The following MITD1 variants were observed in gnomAD, a reference collection of about 807,000 sequenced individuals.
MITD1 encodes MIT domain-containing protein 1.
Under a neutral mutation model 34.9 loss-of-function variants are expected in MITD1, and 24 were observed. That is an observed-to-expected ratio of 0.69 (90% CI 0.50 to 0.97). MITD1 has a LOEUF of 0.97. Ranked by LOEUF, MITD1 falls within the 50% of genes least tolerant of loss-of-function variation. MITD1 has a pLI of 0.00. For missense variants in MITD1, 266 were observed against 294.6 expected (o/e 0.90, Z 0.71); for synonymous variants, 102 against 101.4 (o/e 1.01, Z -0.04).
Position 99,171,337 on chromosome 2 carries a change from A to T in MITD1, c.477+6T>A. 1 of 1,601,384 alleles carries T rather than the reference A, an allele frequency of 6.2e-7. No individual in the cohort carries two copies. Among genetic ancestry groups the T allele is most frequent in the Non-Finnish European group, 8.5e-7 (1 of 1,170,464 alleles). On this transcript the variant is annotated splice_donor_region_variant and intron_variant, in intron 4 of 6. Coordinates refer to ENST00000289359, the MANE Select transcript of MITD1 (RefSeq NM_138798.3). ...TAAGAAAGAGTAAGTGCTTTCAGGT[A>T]CCTACTTCATCCAGAGAGGTGAGAA... is the stretch of plus-strand genomic sequence containing the variant.
intron 1 of MITD1, among the ~76,000 whole-genome samples, chr2:99,174,614 G>A (rs578182814): frequency 2.5e-4 from 38 of 151,998 alleles, no homozygotes; most frequent in South Asian, 1.5e-3. Flanking sequence ...GTTTTGAGAC[G>A]GAATCTCGCT....
intron 1 of MITD1, among the ~76,000 whole-genome samples, chr2:99,175,973 C>T (rs2093884608): frequency 1.3e-5 from 2 of 152,178 alleles, no homozygotes; most frequent in Non-Finnish European, 2.9e-5. Flanking sequence ...CACAGTCTGG[C>T]TCTGTCGCCC....
chr2:99,174,058 TTTTCTA>T, intron 1 of MITD1, 42 bp from the exon 2 acceptor site: 1 of 1,042,126 alleles, frequency 9.6e-7, no homozygotes, highest in Non-Finnish European at 1.4e-6. Flanking sequence ...TCAAAATAGT[TTTTCTA>T]TTTAATTTGG....
downstream of MITD1, among the ~76,000 whole-genome samples, chr2:99,166,312 AGCCAAC>A (rs2093826397): frequency 1.3e-5 from 2 of 152,104 alleles, no homozygotes; most frequent in Non-Finnish European, 2.9e-5. Flanking sequence ...AGAAGGGAGT[AGCCAAC>A]TGGGTCAAAT....
At chr2:99,180,036 T>A (rs1367852264) in intron 1 of MITD1, among the ~76,000 whole-genome samples, 2 of 152,134 alleles carry the variant, frequency 1.3e-5, no homozygotes, top group Non-Finnish European at 2.9e-5. Flanking sequence ...CTTATCAATT[T>A]AATACATAAA....
downstream of MITD1, among the ~76,000 whole-genome samples, chr2:99,168,076 C>T (rs1271301378): frequency 6.6e-6 from 1 of 152,180 alleles, no homozygotes; most frequent in Non-Finnish European, 1.5e-5. Context: ...GTGCACTCTC[C>T]AATACTGAAC....
intron 5 of MITD1, among the ~76,000 whole-genome samples, chr2:99,170,317 G>A (rs962981707): frequency 2.0e-5 from 3 of 151,886 alleles, no homozygotes; most frequent in African/African-American, 7.3e-5. Flanking sequence ...ATTCCATTAG[G>A]AAATATTAAA....
exon 8 of MITD1, chr2:99,162,041 A>G (rs1265605596): frequency 6.2e-7 from 1 of 1,613,942 alleles, no homozygotes; most frequent in Non-Finnish European, 8.5e-7. Flanking sequence ...AAAAAACAGT[A>G]AAAAATGGGC....
rs2093811386 is a variant in MITD1, at chr2:99,163,267, ATTTC to A, written c.*4-1053_*4-1050del. The stretch of plus-strand genomic sequence containing the variant: ...CTTTATCACCTATCCCTATCTGTGT[ATTTC>A]TTCTGACCTCTAGGATCCTCTTTCT... On this transcript the variant is annotated intron_variant, in intron 7 of 7. Coordinates refer to the MITD1 transcript ENST00000422537. 1.0e-5 allele frequency: 4 copies of A among 389,886 alleles called. No individual in the cohort carries two copies. The South Asian group carries it at 3.6e-4, about 35-fold the overall frequency. 24.2% of individuals were successfully genotyped at this position (389,886 alleles called of 1,614,324 possible). A position where few individuals can be genotyped will look rare whatever the true frequency, so the allele number is the denominator to read the frequency against.
rs367951310 is a variant in MITD1 at position 99,161,959 on chromosome 2, T to C, written c.*263A>G. 7.5e-5 allele frequency: 120 copies of C among 1,592,250 alleles called. 1 individual carries two copies. Among genetic ancestry groups the C allele is most frequent in the Non-Finnish European group, 9.9e-5 (116 of 1,167,962 alleles). On this transcript the variant is annotated 3_prime_UTR_variant, in exon 8 of 8. Coordinates refer to the MITD1 transcript ENST00000422537. The stretch of plus-strand genomic sequence containing the variant: ...TGTTTGTCTTCCATTTTTAAAAGCA[T>C]GCTGATCCCATTTTCAATGAAGAAT...
chr2:99,166,520 T>C (rs2093827806), downstream of MITD1, among the ~76,000 whole-genome samples: 1 of 149,970 alleles, frequency 6.7e-6, no homozygotes, highest in Non-Finnish European at 1.5e-5. Flanking sequence ...GAGAACACTC[T>C]TTGAAGAAAT....
intron 7 of MITD1, chr2:99,163,054 G>T (rs1303875160): frequency 6.4e-7 from 1 of 1,558,370 alleles, no homozygotes; most frequent in East Asian, 2.3e-5. Flanking sequence ...AATATTCTCT[G>T]TGAAAAAATT....
downstream of MITD1, among the ~76,000 whole-genome samples, chr2:99,166,486 G>GAAAAAAAAA (rs367705088): frequency 1.3e-4 from 15 of 116,598 alleles, no homozygotes; most frequent in East Asian, 2.5e-4. Context: ...GAGGAAATAA[G>GAAAAAAAAA]AAAAAAAAAA....
At chr2:99,166,383 G>A (rs1044852941), downstream of MITD1, among the ~76,000 whole-genome samples, 12 of 151,050 alleles carry the variant, frequency 7.9e-5, no homozygotes, top group African/African-American at 2.2e-4. Context: ...GAATATGGTA[G>A]TACAGAGATC....
At chr2:99,162,720 CTG>C (rs774048000) in intron 7 of MITD1, 22 of 1,614,150 alleles carry the variant, frequency 1.4e-5, no homozygotes, top group Non-Finnish European at 1.7e-5. Context: ...GGATGAGACA[CTG>C]TTTCCTGGAA....
Position 99,170,720 on chromosome 2 carries a change from T to C in MITD1, c.478-68A>G, listed in dbSNP as rs988373359. 8 of 719,610 alleles carry C rather than the reference T, an allele frequency of 1.1e-5. No individual in the cohort carries two copies. In the South Asian group the frequency reaches 1.3e-4, roughly 11 times the overall value. 44.6% of individuals were successfully genotyped at this position (719,610 alleles called of 1,614,324 possible). A position where few individuals can be genotyped will look rare whatever the true frequency, so the allele number is the denominator to read the frequency against. On this transcript the variant is annotated intron_variant, in intron 4 of 6. Coordinates refer to ENST00000289359, the MANE Select transcript of MITD1 (RefSeq NM_138798.3). ...ACTATCTTAAATTATCCCTAAGCTA[T>C]ACAATCTATATCACAGGTGGATTAA...
intron 7 of MITD1, among the ~76,000 whole-genome samples, chr2:99,163,338 T>C (rs761245498): frequency 8.5e-5 from 13 of 152,120 alleles, no homozygotes; most frequent in South Asian, 6.2e-4. Context: ...TTATTTCATT[T>C]ATTTATTTTG....
rs747631409 is a variant in MITD1, at chr2:99,162,048, G to A, written c.*174C>T. ...TGGCTTTAAAAAAACAGTAAAAAAT[G>A]GGCTCATTTTACAGTCAATTTCCAA... is the stretch of plus-strand genomic sequence containing the variant. On this transcript the variant is annotated 3_prime_UTR_variant, in exon 8 of 8. Coordinates refer to the MITD1 transcript ENST00000422537. 5.0e-6 allele frequency: 8 copies of A among 1,613,814 alleles called. No homozygotes were observed. The highest frequency in any genetic ancestry group is 6.8e-6 in the Non-Finnish European group (8 of 1,179,950).
Position 99,162,779 on chromosome 2 carries a change from C to T in MITD1, c.*4-561G>A, listed in dbSNP as rs140290483. 6 of 1,613,852 alleles carry T rather than the reference C, an allele frequency of 3.7e-6. No homozygotes were observed. In the African/African-American group the frequency reaches 8.0e-5, roughly 22 times the overall value. ...TGCAAACTTGGGAGTGGATATATGG[C>T]AAAACTCCAAAGTTTAGTATAAATA... is the stretch of plus-strand genomic sequence containing the variant. On this transcript the variant is annotated intron_variant, in intron 7 of 7. Transcript: ENST00000422537.
Sources: allele counts gnomAD v4.1 joint callset (sites outside exome capture counted in the v4.1 genomes callset), GRCh38; gene constraint gnomAD v4.1.1; transcripts MANE v1.5; gene names NCBI Gene and HGNC (gene_info 2026-07-23, HGNC 2026-07-21).